Variants in FOXJ3 observed in about 807,000 individuals in gnomAD.
FOXJ3 encodes the protein forkhead box protein J3.
FOXJ3 carries 22 observed loss-of-function variants against 76.1 expected under a neutral mutation model. The ratio of observed to expected loss-of-function variants is 0.29; its 90% CI spans 0.21 to 0.41. FOXJ3 has a LOEUF of 0.41. Ranked by LOEUF, FOXJ3 falls within the 10% of genes least tolerant of loss-of-function variation. The pLI, the probability that FOXJ3 is intolerant of heterozygous loss-of-function variation, is 1.00. For missense variants in FOXJ3, 613 were observed against 762.1 expected, an observed-to-expected ratio of 0.80 and a Z score of 2.30; for synonymous variants, 269 against 261.2, an observed-to-expected ratio of 1.03 and a Z score of -0.29.
intron 4 of FOXJ3, among the ~76,000 whole-genome samples, chr1:42,241,841 C>T (rs190692351): frequency 1.8e-4 from 27 of 152,282 alleles, no homozygotes; most frequent in South Asian, 1.7e-3. Flanking sequence ...CTAACACCAC[C>T]GTCACACTAC....
intron 5 of FOXJ3, among the ~76,000 whole-genome samples, chr1:42,216,288 G>A (rs1454881633): frequency 1.3e-5 from 2 of 152,064 alleles, no homozygotes; most frequent in East Asian, 1.9e-4. Context: ...GGAGGCCGAG[G>A]CGGGCGGATC....
chr1:42,210,173 C>G (rs1219398249), intron 5 of FOXJ3, among the ~76,000 whole-genome samples: 1 of 152,134 alleles, frequency 6.6e-6, no homozygotes. Flanking sequence ...TCAGAGGCAG[C>G]TGTGCTCCAC....
intron 2 of FOXJ3, among the ~76,000 whole-genome samples, chr1:42,310,470 CAG>C (rs1654739267): frequency 7.4e-6 from 1 of 135,986 alleles, no homozygotes; most frequent in East Asian, 2.2e-4. Flanking sequence ...TTTTTTAGGA[CAG>C]AGTCTTGCTC....
intron 5 of FOXJ3, among the ~76,000 whole-genome samples, chr1:42,215,448 A>C (rs1163755109): frequency 6.6e-6 from 1 of 152,178 alleles, no homozygotes; most frequent in African/African-American, 2.4e-5. Context: ...TTATGAAAAA[A>C]AGAACAGAGC....
intron 1 of FOXJ3, among the ~76,000 whole-genome samples, chr1:42,322,494 A>C (rs915652394): frequency 2.0e-5 from 3 of 152,080 alleles, no homozygotes; most frequent in African/African-American, 7.2e-5. Flanking sequence ...ACCTATCTTA[A>C]TTTGTTGAAT....
rs769063779 is a variant in FOXJ3 at position 42,199,174 on chromosome 1, G to A, written c.687C>T (p.Asn229=). The A allele has an allele frequency of 1.2e-6, 2 of 1,612,806 alleles. No homozygotes were observed. Among genetic ancestry groups the A allele is most frequent in the Non-Finnish European group, 1.7e-6 (2 of 1,178,798 alleles). Residue 229 remains asparagine, a synonymous_variant, in exon 7 of 13, where the codon AAC becomes AAT. Transcript: ENST00000361346. The stretch of plus-strand genomic sequence containing the variant: ...CCAAACTCTGGTCTGAGAGACTGTT[G>A]TTAAGGCTACTGCGTGGGCTATCAC... ...DGSDSPRSSL[N]NSLSDQSLAS... is the part of the protein sequence containing the mutation.
chr1:42,218,952 A>G (rs951789832), intron 5 of FOXJ3, among the ~76,000 whole-genome samples: 6 of 152,206 alleles, frequency 3.9e-5, no homozygotes, highest in Non-Finnish European at 8.8e-5. Context: ...AGGCCTGTAC[A>G]GCTGACAATC....
At chr1:42,180,887 G>C (rs1394053659) in intron 12 of FOXJ3, among the ~76,000 whole-genome samples, 1 of 152,190 alleles carries the variant, frequency 6.6e-6, no homozygotes, top group Non-Finnish European at 1.5e-5. Context: ...GCCATTAAGT[G>C]GCAAAGCATG....
At chr1:42,332,633 C>T (rs1656228332) in intron 1 of FOXJ3, among the ~76,000 whole-genome samples, 1 of 152,138 alleles carries the variant, frequency 6.6e-6, no homozygotes, top group Non-Finnish European at 1.5e-5. Context: ...TTCTTTAGAA[C>T]CCATTGTGGT....
chr1:42,286,333 A>G (rs1160929332), intron 2 of FOXJ3, among the ~76,000 whole-genome samples: 2 of 152,188 alleles, frequency 1.3e-5, no homozygotes, highest in Non-Finnish European at 2.9e-5. Context: ...CAATGTCCAC[A>G]TATATGGGAA....
chr1:42,311,926 C>T (rs1273982104), intron 1 of FOXJ3, among the ~76,000 whole-genome samples: 1 of 152,174 alleles, frequency 6.6e-6, no homozygotes, highest in African/African-American at 2.4e-5. Context: ...CTATGGAGCA[C>T]ATGGGAGGGT....
chr1:42,310,934 C>T (rs761276693), intron 2 of FOXJ3, 116 bp downstream of exon 2: 10 of 624,692 alleles, frequency 1.6e-5, no homozygotes, highest in South Asian at 7.3e-5. Flanking sequence ...CTTGACAAAA[C>T]AAGCTACAAT....
At chr1:42,236,928 A>G (rs1055329740) in intron 4 of FOXJ3, among the ~76,000 whole-genome samples, 1 of 152,126 alleles carries the variant, frequency 6.6e-6, no homozygotes, top group Non-Finnish European at 1.5e-5. Context: ...GCATGTACTT[A>G]TTTGCCACCC....
In FOXJ3 at chr1:42,319,010, G is replaced by A. The variant is rs565997030; in HGVS notation, c.-17-7900C>T. Among the ~76,000 whole-genome samples, 3 of 152,212 alleles carry A rather than the reference G, an allele frequency of 2.0e-5. No homozygotes were observed. In the South Asian group the frequency reaches 6.2e-4, roughly 32 times the overall value. ...CTGTGGGAGGCTGAGGCAGGCAGAT[G>A]GCTTGAGCCCAGGAATTCAAGACCA... On this transcript the variant is annotated intron_variant, in intron 1 of 12. Coordinates refer to ENST00000361346, the MANE Select transcript of FOXJ3 (RefSeq NM_014947.5).
chr1:42,284,021 A>G (rs2124688350), intron 2 of FOXJ3, among the ~76,000 whole-genome samples: 1 of 152,302 alleles, frequency 6.6e-6, no homozygotes, highest in South Asian at 2.1e-4. Context: ...GGAAACAGAG[A>G]AAAAGTCTGG....
chr1:42,301,069 C>A (rs1654111601), intron 2 of FOXJ3, among the ~76,000 whole-genome samples: 1 of 152,226 alleles, frequency 6.6e-6, no homozygotes, highest in Non-Finnish European at 1.5e-5. Context: ...TCTTCCCAGA[C>A]TAGGGAAGTT....
chr1:42,294,626 G>A (rs769889336), intron 2 of FOXJ3, among the ~76,000 whole-genome samples: 33 of 152,060 alleles, frequency 2.2e-4, no homozygotes, highest in Non-Finnish European at 4.4e-4. Flanking sequence ...TCCAGCTGTG[G>A]TGGCGGGCAC....
At chr1:42,322,844 T>C (rs1175501252) in intron 1 of FOXJ3, among the ~76,000 whole-genome samples, 1 of 152,118 alleles carries the variant, frequency 6.6e-6, no homozygotes, top group African/African-American at 2.4e-5. Flanking sequence ...TTGGGCTTCA[T>C]TAGAAGAACA....
At chr1:42,306,695 C>T (rs1654497014) in intron 2 of FOXJ3, among the ~76,000 whole-genome samples, 1 of 152,064 alleles carries the variant, frequency 6.6e-6, no homozygotes, top group Non-Finnish European at 1.5e-5. Flanking sequence ...CTCTTATCAC[C>T]CAAACTCAGG....
Sources: allele counts gnomAD v4.1 joint callset (sites outside exome capture counted in the v4.1 genomes callset), GRCh38; gene constraint gnomAD v4.1.1; transcripts MANE v1.5; gene names NCBI Gene and HGNC (gene_info 2026-07-23, HGNC 2026-07-21).